Variants in OR2L13 observed in about 807,000 individuals in gnomAD.
The protein encoded by OR2L13 is olfactory receptor family 2 subfamily L member 13, also known as olfactory receptor 2L13.
A neutral mutation model predicts 15.3 loss-of-function variants in OR2L13; 14 were observed. The ratio of observed to expected loss-of-function variants is 0.91; its 90% CI spans 0.60 to 1.43. The LOEUF is 1.43. Ranked by LOEUF, OR2L13 falls within the 40% of genes most tolerant of loss-of-function variation. The probability of loss-of-function intolerance (pLI) is 0.00; values close to 1 mark genes in which losing one functional copy is unlikely to be tolerated. For missense variants in OR2L13, 367 were observed against 387.9 expected (o/e 0.95, Z 0.45); for synonymous variants, 152 against 142.9 (o/e 1.06, Z -0.45).
chr1:247,986,350 A>G, the OR2L13 span, among the ~76,000 whole-genome samples: 3 of 152,094 alleles, frequency 2.0e-5, no homozygotes, highest in African/African-American at 7.2e-5. Flanking sequence ...TTTTCCCCGC[A>G]CCATTTATTA....
At chr1:247,964,912 A>G in the OR2L13 span, among the ~76,000 whole-genome samples, 1 of 149,286 alleles carries the variant, frequency 6.7e-6, no homozygotes, top group African/African-American at 2.4e-5. Flanking sequence ...ATAAATACAC[A>G]TGAGTAATAT....
At chr1:247,975,710 A>G in the OR2L13 span, 1 of 598,476 alleles carries the variant, frequency 1.7e-6, no homozygotes, top group Middle Eastern at 2.9e-4. Context: ...TCAACTTAGC[A>G]GTGTACAGCA....
the OR2L13 span, among the ~76,000 whole-genome samples, chr1:247,972,757 T>C: frequency 6.6e-6 from 1 of 152,160 alleles, no homozygotes; most frequent in South Asian, 2.1e-4. Flanking sequence ...AAAGAGGAAC[T>C]CCTCCTTAAC....
At chr1:248,009,059 G>A in the OR2L13 span, among the ~76,000 whole-genome samples, 3 of 152,088 alleles carry the variant, frequency 2.0e-5, no homozygotes, top group Non-Finnish European at 4.4e-5. Flanking sequence ...AAAATTTATA[G>A]CACTAAATGC....
chr1:248,006,365 C>A, the OR2L13 span, among the ~76,000 whole-genome samples: 2 of 151,410 alleles, frequency 1.3e-5, no homozygotes, highest in African/African-American at 4.8e-5. Flanking sequence ...TGCTACTGAA[C>A]CAAAACTGCA....
At chr1:247,943,418 TA>T in the OR2L13 span, among the ~76,000 whole-genome samples, 2 of 151,538 alleles carry the variant, frequency 1.3e-5, no homozygotes, top group Non-Finnish European at 2.9e-5. Flanking sequence ...ACTCCCTGAA[TA>T]AAAAAAAATC....
At chr1:248,089,754 G>C in the OR2L13 span, among the ~76,000 whole-genome samples, 140 of 152,280 alleles carry the variant, frequency 9.2e-4, no homozygotes, top group African/African-American at 3.3e-3. Flanking sequence ...AGATAAGGAG[G>C]AACTGAGGAC....
At chr1:248,066,432 T>A in the OR2L13 span, among the ~76,000 whole-genome samples, 1 of 152,334 alleles carries the variant, frequency 6.6e-6, no homozygotes, top group East Asian at 1.9e-4. Context: ...ACTTTTTTTT[T>A]ACTTGCCTTT....
chr1:248,070,393 T>C, the OR2L13 span, among the ~76,000 whole-genome samples: 11 of 151,868 alleles, frequency 7.2e-5, no homozygotes, highest in African/African-American at 2.7e-4. Context: ...CATAACGAAA[T>C]GAAGGCAGAA....
the OR2L13 span, among the ~76,000 whole-genome samples, chr1:248,077,167 C>T: frequency 6.6e-6 from 1 of 152,244 alleles, no homozygotes; most frequent in Admixed American, 6.5e-5. Context: ...TATATTGAAC[C>T]AGCCTTGCAT....
At chr1:247,939,952 A>G in the OR2L13 span, among the ~76,000 whole-genome samples, 1 of 152,220 alleles carries the variant, frequency 6.6e-6, no homozygotes, top group Non-Finnish European at 1.5e-5. Context: ...AAACCATTAT[A>G]TTAAAAACAT....
At chr1:247,953,855 C>T in the OR2L13 span, among the ~76,000 whole-genome samples, 2 of 152,046 alleles carry the variant, frequency 1.3e-5, no homozygotes, top group Non-Finnish European at 2.9e-5. Flanking sequence ...AGAATTAACT[C>T]TTATTTTTCA....
At chr1:248,089,395 G>A in the OR2L13 span, among the ~76,000 whole-genome samples, 1 of 152,000 alleles carries the variant, frequency 6.6e-6, no homozygotes, top group Non-Finnish European at 1.5e-5. Context: ...TGTGGCTGTT[G>A]GTAATTAACT....
chr1:248,002,133 A>G, the OR2L13 span, among the ~76,000 whole-genome samples: 5 of 152,136 alleles, frequency 3.3e-5, no homozygotes, highest in African/African-American at 9.7e-5. Flanking sequence ...TTAATTACCA[A>G]TGTCATAAAA....
At chr1:248,044,553 C>G in the OR2L13 span, among the ~76,000 whole-genome samples, 2 of 127,980 alleles carry the variant, frequency 1.6e-5, 1 homozygote, top group African/African-American at 9.4e-5. Flanking sequence ...CCTGTAATCC[C>G]AGCACTTTGG....
the OR2L13 span, among the ~76,000 whole-genome samples, chr1:248,058,165 G>A: frequency 1.3e-5 from 2 of 152,104 alleles, no homozygotes; most frequent in Non-Finnish European, 1.5e-5. Context: ...CATAGACATG[G>A]TCTCAGCAGA....
At chr1:248,004,110 C>G in the OR2L13 span, 1 of 1,508,170 alleles carries the variant, frequency 6.6e-7, no homozygotes, top group South Asian at 1.2e-5. Flanking sequence ...AGATACACAT[C>G]CATTCAGCAG....
At chr1:247,990,577 C>T in the OR2L13 span, 4 of 1,562,204 alleles carry the variant, frequency 2.6e-6, no homozygotes, top group Non-Finnish European at 2.6e-6. Context: ...TTTCTTCTTC[C>T]TGACTTTAGC....
the OR2L13 span, chr1:248,038,907 G>T: frequency 6.2e-7 from 1 of 1,614,076 alleles, no homozygotes. Flanking sequence ...CACTGGTATT[G>T]CATGTTCCTA....
Sources: gnomAD v4.1 joint callset for allele counts (sites outside exome capture counted in the v4.1 genomes callset) on GRCh38, gnomAD v4.1.1 for gene constraint, MANE v1.5 for transcripts, NCBI Gene and HGNC (gene_info 2026-07-23, HGNC 2026-07-21) for gene names.